Variants in C1GALT1 observed in about 807,000 individuals in gnomAD.
C1GALT1 encodes glycoprotein-N-acetylgalactosamine 3-beta-galactosyltransferase 1.
Under a neutral mutation model 31.0 loss-of-function variants are expected in C1GALT1, and 11 were observed. The ratio of observed to expected loss-of-function variants is 0.36; its 90% CI spans 0.22 to 0.59. C1GALT1 has a LOEUF of 0.59. C1GALT1 is among the 20% of genes least tolerant of loss of function. The probability of loss-of-function intolerance (pLI) is 0.79; values close to 1 mark genes in which losing one functional copy is unlikely to be tolerated. For missense variants in C1GALT1, 424 were observed against 425.2 expected, an observed-to-expected ratio of 1.00 and a Z score of 0.03; for synonymous variants, 175 against 143.6, an observed-to-expected ratio of 1.22 and a Z score of -1.56.
At chr7:7,181,235 T>TTGCGGAAAGGTGG (rs1684097824), upstream of C1GALT1, among the ~76,000 whole-genome samples, 1 of 149,416 alleles carries the variant, frequency 6.7e-6, no homozygotes, top group African/African-American at 2.5e-5. Context: ...TGGAAGGATA[T>TTGCGGAAAGGTGG]TGCGGAAAGG....
chr7:7,181,946 A>C (rs740533), upstream of C1GALT1, among the ~76,000 whole-genome samples: 20,405 of 152,128 alleles, frequency 0.13, 1,751 homozygotes, highest in East Asian at 0.3. Context: ...CGCCCCTAAG[A>C]AGCTCTTCCG....
chr7:7,210,214 C>G (rs1174818243), intron 1 of C1GALT1, among the ~76,000 whole-genome samples: 3 of 150,884 alleles, frequency 2.0e-5, no homozygotes, highest in Non-Finnish European at 3.0e-5. Context: ...GTTGTTCTGA[C>G]TTTTTATTTT....
At position 7,221,387 on chromosome 7, in the gene C1GALT1, TTC is replaced by T. The variant is rs202159414; in HGVS notation, c.-17-12909_-17-12908del. On this transcript the variant is annotated intron_variant, in intron 1 of 3. Transcript: ENST00000436587. ...CATGAATGCAATGGCATGGTATCTT[TTC>T]TCTCTCAAGATATTAATGGTGGTAT... Among the ~76,000 whole-genome samples the T allele has an allele frequency of 2.3e-3, 345 of 152,358 alleles. 7 individuals are homozygous for T. Among genetic ancestry groups the T allele is most frequent in the Admixed American group, 0.016 (239 of 15,312 alleles).
chr7:7,224,464 T>C (rs747479734), intron 1 of C1GALT1, among the ~76,000 whole-genome samples: 9 of 148,872 alleles, frequency 6.0e-5, no homozygotes, highest in Non-Finnish European at 8.9e-5. Context: ...TTTGTGGGGG[T>C]CAGGGGCGGG....
In C1GALT1 at chr7:7,183,761, A is replaced by G. The variant is rs545245902; in HGVS notation, c.-18+941A>G. Among the ~76,000 whole-genome samples the G allele has an allele frequency of 1.1e-4, 17 of 151,988 alleles. No homozygotes were observed. In the South Asian group the frequency reaches 3.5e-3, roughly 32 times the overall value. ...GAAAAATTCTCAAGATTTCTAACCT[A>G]GTTCTCTATATCCATTGTACATACT... is the stretch of plus-strand genomic sequence containing the variant. On this transcript the variant is annotated intron_variant, in intron 1 of 3. Coordinates refer to ENST00000436587, the MANE Select transcript of C1GALT1 (RefSeq NM_020156.5).
At position 7,235,562 on chromosome 7, in the gene C1GALT1, A is replaced by G. The variant is rs115818163; in HGVS notation, c.220+1023A>G. 3.2e-3 allele frequency among the ~76,000 whole-genome samples: 481 copies of G among 152,308 alleles called. 4 individuals carry two copies. The highest frequency in any genetic ancestry group is 0.011 in the African/African-American group (447 of 41,560). On this transcript the variant is annotated intron_variant, in intron 2 of 3. Coordinates refer to ENST00000436587, the MANE Select transcript of C1GALT1 (RefSeq NM_020156.5). ...ATAGCCACATGTCTTTAGGTGATCA[A>G]TTGGAGGCAGAGTTCCCTACTAATA... is the stretch of plus-strand genomic sequence containing the variant.
At chr7:7,199,310 A>G (rs1469272937) in intron 1 of C1GALT1, among the ~76,000 whole-genome samples, 1 of 152,200 alleles carries the variant, frequency 6.6e-6, no homozygotes, top group African/African-American at 2.4e-5. Flanking sequence ...ATAGTCATTC[A>G]GGGGCAGGTT....
intron 2 of C1GALT1, among the ~76,000 whole-genome samples, chr7:7,167,614 A>C (rs544824286): frequency 6.6e-6 from 1 of 151,596 alleles, no homozygotes; most frequent in South Asian, 2.1e-4. Context: ...AGTGATAATC[A>C]TTGAGAGGGT....
rs1280720494 is a variant in C1GALT1 at position 7,183,673 on chromosome 7, C to T, written c.-18+853C>T. The T allele has an allele frequency of 5.0e-6, 4 of 805,258 alleles. No individual in the cohort carries two copies. In the African/African-American group the frequency reaches 7.5e-5, roughly 15 times the overall value. 49.9% of individuals were successfully genotyped at this position (805,258 alleles called of 1,614,324 possible). On this transcript the variant is annotated intron_variant, in intron 1 of 3. Coordinates refer to ENST00000436587, the MANE Select transcript of C1GALT1 (RefSeq NM_020156.5). ...TTTCCTGGTCCTTACCGTCTCCCCA[C>T]CCCCCACCACCCCGCATTTAAAGCA...
intron 2 of C1GALT1, among the ~76,000 whole-genome samples, chr7:7,158,329 A>T (rs765101496): frequency 6.6e-6 from 1 of 152,234 alleles, no homozygotes; most frequent in East Asian, 1.9e-4. Flanking sequence ...CCAGTATTCC[A>T]TTAACACCTC....
intron 2 of C1GALT1, among the ~76,000 whole-genome samples, chr7:7,163,872 G>T (rs1170805130): frequency 6.6e-6 from 1 of 151,304 alleles, no homozygotes; most frequent in Admixed American, 6.6e-5. Context: ...AATCAATATC[G>T]TGAAAATGGC....
At chr7:7,188,557 C>G (rs59254091) in intron 1 of C1GALT1, among the ~76,000 whole-genome samples, 1 of 151,590 alleles carries the variant, frequency 6.6e-6, no homozygotes, top group Admixed American at 6.6e-5. Context: ...TGTGTGTACC[C>G]GATGCAAAAT....
intron 1 of C1GALT1, among the ~76,000 whole-genome samples, chr7:7,192,893 C>T (rs1015003910): frequency 1.3e-5 from 2 of 152,068 alleles, no homozygotes; most frequent in African/African-American, 2.4e-5. Flanking sequence ...ATTTGCATTT[C>T]CCTGATAATT....
At chr7:7,188,770 C>G (rs1245570079) in intron 1 of C1GALT1, among the ~76,000 whole-genome samples, 3 of 151,806 alleles carry the variant, frequency 2.0e-5, no homozygotes, top group African/African-American at 7.3e-5. Context: ...AAAAATAAAC[C>G]TTTTATCTTA....
intron 1 of C1GALT1, among the ~76,000 whole-genome samples, chr7:7,231,528 C>T (rs572659938): frequency 2.1e-4 from 32 of 152,126 alleles, no homozygotes; most frequent in Non-Finnish European, 3.1e-4. Context: ...CTTCATTCTG[C>T]GTATTTTCTT....
rs1012852170 is a variant in C1GALT1, at chr7:7,244,276, A to G, written c.*549A>G. 1 of 152,144 alleles carries G rather than the reference A, an allele frequency of 6.6e-6. No homozygotes were observed. The highest frequency in any genetic ancestry group is 1.5e-5 in the Non-Finnish European group (1 of 67,988). 9.4% of individuals were successfully genotyped at this position (152,144 alleles called of 1,614,324 possible). On this transcript the variant is annotated 3_prime_UTR_variant, in exon 4 of 4. Transcript: ENST00000436587. ...GCTGTGATTATTTATAATTGGTAGT[A>G]TTTCTTCCAGAAGAAGCTAAAATAA...
At chr7:7,187,340 C>T (rs556450444) in intron 1 of C1GALT1, among the ~76,000 whole-genome samples, 9 of 152,092 alleles carry the variant, frequency 5.9e-5, no homozygotes, top group African/African-American at 2.2e-4. Flanking sequence ...AGCTCTGCCT[C>T]CTGGGTTCAC....
rs556832905 is a variant in C1GALT1, at chr7:7,236,688, A to AT, written c.221-1561dup. 4.6e-3 allele frequency among the ~76,000 whole-genome samples: 698 copies of AT among 151,644 alleles called. 4 individuals carry two copies. The highest frequency in any genetic ancestry group is 0.016 in the African/African-American group (670 of 41,326). On this transcript the variant is annotated intron_variant, in intron 2 of 3. Coordinates refer to ENST00000436587, the MANE Select transcript of C1GALT1 (RefSeq NM_020156.5). ...AGGCGCCCACCACTACGCTTGGCTA[A>AT]TTTTTTGTATCTTTTTTAGTAGAGA...
At chr7:7,233,195 C>A (rs1434845675) in intron 1 of C1GALT1, among the ~76,000 whole-genome samples, 2 of 152,098 alleles carry the variant, frequency 1.3e-5, no homozygotes, top group African/African-American at 4.8e-5. Context: ...AGGTACCCTA[C>A]TTAATCTCGT....
Sources: allele counts gnomAD v4.1 joint callset (sites outside exome capture counted in the v4.1 genomes callset), GRCh38; gene constraint gnomAD v4.1.1; transcripts MANE v1.5; gene names NCBI Gene and HGNC (gene_info 2026-07-23, HGNC 2026-07-21).